The following TRPM3 variants were observed in gnomAD, a reference collection of about 807,000 sequenced individuals.
TRPM3 encodes transient receptor potential cation channel subfamily M member 3, also known as long transient receptor potential channel 3.
In TRPM3, 77 loss-of-function variants were observed where a neutral mutation model predicts 181.2. The observed-to-expected ratio is 0.42, with a 90% CI of 0.35 to 0.51. The LOEUF (loss-of-function observed/expected upper bound fraction) is 0.51. Among genes scored for constraint, TRPM3 ranks in the 20% least tolerant of loss-of-function variants. TRPM3 has a pLI of 0.01. For synonymous variants in TRPM3, 745 were observed against 796.4 expected (o/e 0.94, Z 1.09); for missense variants, 1,759 against 2,196.7 (o/e 0.80, Z 3.98).
intron 6 of TRPM3, among the ~76,000 whole-genome samples, chr9:70,822,759 T>TTGTGTGTGTGTGTGTG (rs113090222): frequency 2.0e-5 from 3 of 147,100 alleles, no homozygotes; most frequent in African/African-American, 7.6e-5. Context: ...AAGATTTGTC[T>TTGTGTGTGTGTGTGTG]TGTGTGTGTG....
chr9:70,694,821 A>G (rs140031410), intron 8 of TRPM3, among the ~76,000 whole-genome samples: 222 of 152,324 alleles, frequency 1.5e-3, no homozygotes, highest in Middle Eastern at 0.01. Context: ...GCAAATTACC[A>G]TTTTAAAAAT....
At chr9:70,750,692 TAGGGGA>T (rs999777968) in intron 8 of TRPM3, among the ~76,000 whole-genome samples, 3 of 152,070 alleles carry the variant, frequency 2.0e-5, no homozygotes, top group Non-Finnish European at 4.4e-5. Context: ...GCAATGAGGA[TAGGGGA>T]ACTGAAGCTT....
At chr9:70,578,409 T>C (rs982670984) in intron 22 of TRPM3, among the ~76,000 whole-genome samples, 3 of 152,098 alleles carry the variant, frequency 2.0e-5, no homozygotes, top group African/African-American at 7.2e-5. Flanking sequence ...TTGTAAATTC[T>C]AAATCATAGG....
intron 7 of TRPM3, among the ~76,000 whole-genome samples, chr9:70,772,320 G>A (rs1394499286): frequency 4.3e-5 from 2 of 46,342 alleles, no homozygotes; most frequent in African/African-American, 9.6e-5. Flanking sequence ...ATCACAGAGA[G>A]TATTTTTTTT....
chr9:70,744,847 T>C (rs748611019), intron 8 of TRPM3, among the ~76,000 whole-genome samples: 36 of 152,118 alleles, frequency 2.4e-4, no homozygotes, highest in Non-Finnish European at 4.1e-4. Flanking sequence ...ACTTAATAAT[T>C]AGAATATTGA....
At chr9:71,394,162 GA>G (rs759483257) in intron 1 of TRPM3, among the ~76,000 whole-genome samples, 4 of 152,064 alleles carry the variant, frequency 2.6e-5, no homozygotes, top group Non-Finnish European at 5.9e-5. Context: ...AAGTTTTACA[GA>G]ACTGATAAAT....
chr9:70,795,104 A>C (rs1588458904), intron 6 of TRPM3, among the ~76,000 whole-genome samples: 2 of 152,322 alleles, frequency 1.3e-5, no homozygotes, highest in Non-Finnish European at 1.5e-5. Context: ...GGGTGTGCAT[A>C]GCCTATATGA....
At chr9:70,742,938 C>T (rs565013133) in intron 8 of TRPM3, among the ~76,000 whole-genome samples, 1 of 152,270 alleles carries the variant, frequency 6.6e-6, no homozygotes, top group East Asian at 1.9e-4. Flanking sequence ...CCTTAGCCAC[C>T]ACAATCAATC....
chr9:70,619,836 A>G (rs536857560), intron 16 of TRPM3, among the ~76,000 whole-genome samples: 1 of 152,280 alleles, frequency 6.6e-6, no homozygotes, highest in East Asian at 1.9e-4. Flanking sequence ...AAAGAAGTGC[A>G]TAACTACGGG....
At chr9:70,576,361 C>T (rs1382535626) in intron 22 of TRPM3, among the ~76,000 whole-genome samples, 2 of 152,132 alleles carry the variant, frequency 1.3e-5, no homozygotes, top group Non-Finnish European at 2.9e-5. Flanking sequence ...TGCAGAGTTG[C>T]CAATCCTGTT....
intron 10 of TRPM3, 59 bp from the exon 11 acceptor site, chr9:70,639,253 T>A: frequency 6.3e-7 from 1 of 1,587,178 alleles, no homozygotes; most frequent in Non-Finnish European, 8.6e-7. Flanking sequence ...TGCAGTTCTT[T>A]AGTGTTCACT....
At chr9:70,676,450 G>T (rs1022336698) in intron 9 of TRPM3, among the ~76,000 whole-genome samples, 15 of 152,156 alleles carry the variant, frequency 9.9e-5, no homozygotes, top group African/African-American at 3.6e-4. Context: ...CCTGGAGCAA[G>T]AGGTTTATGC....
chr9:71,096,590 A>ACACTCTCTCTCTCTCT (rs1452142664), intron 1 of TRPM3, among the ~76,000 whole-genome samples: 13 of 90,044 alleles, frequency 1.4e-4, no homozygotes, highest in African/African-American at 6.2e-4. Context: ...ACACACACAC[A>ACACTCTCTCTCTCTCT]CTCTCTCTCT....
intron 9 of TRPM3, among the ~76,000 whole-genome samples, chr9:70,646,030 A>T (rs4319166): frequency 5.3e-5 from 8 of 152,156 alleles, no homozygotes; most frequent in African/African-American, 1.9e-4. Flanking sequence ...CAATGAGATA[A>T]CAACTCACGC....
intron 1 of TRPM3, among the ~76,000 whole-genome samples, chr9:71,203,081 A>G (rs553650234): frequency 1.3e-5 from 2 of 152,204 alleles, no homozygotes; most frequent in African/African-American, 4.8e-5. Context: ...TTTGGCTCCT[A>G]GAAGTGTTTG....
chr9:70,833,561 G>T (rs2094102926), intron 5 of TRPM3, among the ~76,000 whole-genome samples: 1 of 152,056 alleles, frequency 6.6e-6, no homozygotes, highest in African/African-American at 2.4e-5. Flanking sequence ...GAATTATAGG[G>T]GCTCAAAGAG....
At chr9:70,580,416 GCCCCAACCCAT>G (rs2055326608) in intron 22 of TRPM3, among the ~76,000 whole-genome samples, 1 of 152,016 alleles carries the variant, frequency 6.6e-6, no homozygotes. Context: ...ACAGACCCTG[GCCCCAACCCAT>G]CCCCAACCCC....
In TRPM3 at chr9:70,625,610, G is replaced by A; in HGVS notation, c.1633-93C>T. 1 of 1,280,310 alleles carries A rather than the reference G, an allele frequency of 7.8e-7. No homozygotes were observed. Among genetic ancestry groups the A allele is most frequent in the African/African-American group, 1.5e-5 (1 of 66,608 alleles). The allele number at this position is 1,280,310 out of a possible 1,614,324, so 79.3% of individuals were successfully genotyped here. A position where few individuals can be genotyped will look rare whatever the true frequency, so the allele number is the denominator to read the frequency against. On this transcript the variant is annotated intron_variant, in intron 12 of 25. Transcript: ENST00000677713. This position sits in a 1 kb window ranked among gnomAD's most constrained non-coding sequence, Gnocchi z 4.8. The stretch of plus-strand genomic sequence containing the variant: ...ATTTATTCAAGTCTTCAGCTGGGGA[G>A]AAAAAAACACCAGTGTAGAAGAAAG...
intron 1 of TRPM3, among the ~76,000 whole-genome samples, chr9:71,418,851 C>A (rs1410102525): frequency 7.4e-6 from 1 of 135,592 alleles, no homozygotes; most frequent in Non-Finnish European, 1.6e-5. Flanking sequence ...TATATAGTAT[C>A]CTTTGTATAT....
Sources: allele counts gnomAD v4.1 joint callset (sites outside exome capture counted in the v4.1 genomes callset), GRCh38; gene constraint gnomAD v4.1.1; non-coding constraint Gnocchi (gnomAD v3.1); transcripts MANE v1.5; gene names NCBI Gene and HGNC (gene_info 2026-07-23, HGNC 2026-07-21).